The following STAG1 variants were observed in gnomAD, a reference collection of about 807,000 sequenced individuals.
The protein encoded by STAG1 is cohesin subunit SA-1.
Under a neutral mutation model 170.9 loss-of-function variants are expected in STAG1, and 26 were observed. The ratio of observed to expected loss-of-function variants is 0.15; its 90% confidence interval spans 0.11 to 0.21. The LOEUF (loss-of-function observed/expected upper bound fraction) is 0.21, where lower values mean the gene tolerates loss of function less well. STAG1 is among the 10% of genes least tolerant of loss of function. The probability of loss-of-function intolerance (pLI) is 1.00; values close to 1 mark genes in which losing one functional copy is unlikely to be tolerated. For missense variants in STAG1, 964 were observed against 1,509.5 expected, an observed-to-expected ratio of 0.64 and a Z score of 5.99; for synonymous variants, 514 against 497.7, an observed-to-expected ratio of 1.03 and a Z score of -0.44.
At chr3:136,572,462 G>A (rs570202280) in intron 4 of STAG1, among the ~76,000 whole-genome samples, 2 of 151,778 alleles carry the variant, frequency 1.3e-5, no homozygotes, top group Middle Eastern at 3.4e-3. Flanking sequence ...GTGTGGTGGT[G>A]CACACCTGTG....
At chr3:136,678,101 T>A (rs966700522) in intron 1 of STAG1, among the ~76,000 whole-genome samples, 1 of 150,758 alleles carries the variant, frequency 6.6e-6, no homozygotes, top group Non-Finnish European at 1.5e-5. Flanking sequence ...AAAGCAGTGA[T>A]AGAAGTATCA....
Position 136,434,280 on chromosome 3 carries a change from ATTAT to A in STAG1, c.1547-625_1547-622del, listed in dbSNP as rs1576462036. On this transcript the variant is annotated intron_variant, in intron 15 of 33. Coordinates refer to ENST00000383202, the MANE Select transcript of STAG1 (RefSeq NM_005862.3). The stretch of plus-strand genomic sequence containing the variant: ...GACCTTGATATTGAGAAATCATAAG[ATTAT>A]TTATTATAATTTATATCCCCAACTG... 2.0e-5 allele frequency among the ~76,000 whole-genome samples: 3 copies of A among 152,116 alleles called. No homozygotes were observed. The South Asian group carries it at 6.2e-4, about 32-fold the overall frequency.
intron 1 of STAG1, among the ~76,000 whole-genome samples, chr3:136,725,332 C>A (rs1308496577): frequency 6.6e-6 from 1 of 151,964 alleles, no homozygotes; most frequent in Non-Finnish European, 1.5e-5. Context: ...GAATTATTTC[C>A]TATTTCTAAA....
At chr3:136,559,124 C>CCTATCTAT (rs3042748) in intron 5 of STAG1, among the ~76,000 whole-genome samples, 21,458 of 143,964 alleles carry the variant, frequency 0.15, 1,630 homozygotes, top group East Asian at 0.27. Context: ...CACTGAACTA[C>CCTATCTAT]CTATCTATCT....
rs748207104 is a variant in STAG1, at chr3:136,349,237, G to A, written c.3192C>T (p.Asn1064=). 3.1e-6 allele frequency: 5 copies of A among 1,613,890 alleles called. No homozygotes were observed. In the Admixed American group the frequency reaches 8.3e-5, roughly 27 times the overall value. The change falls in exon 29 of 34, where the codon AAC becomes AAT. Residue 1064 remains asparagine (N), a synonymous_variant. Transcript: ENST00000383202. ...AGGTTTTGCTGCTGCTACTTCCACT[G>A]TTCACAGACATTCTATCATCTTCAC... ...TGGEDDRMSV[N]SGSSSSKTSS...
At chr3:136,433,811 T>A (rs1010649556) in intron 15 of STAG1, 152 bp from the exon 16 acceptor site, 8 of 583,866 alleles carry the variant, frequency 1.4e-5, no homozygotes, top group African/African-American at 3.9e-5. Flanking sequence ...TTTTTTTTTT[T>A]AAAGTAATTA....
In STAG1 at chr3:136,464,925, T is replaced by G. The variant is rs1559818753; in HGVS notation, c.1269A>C (p.Ala423=). 6.2e-7 allele frequency: 1 copy of G among 1,613,124 alleles called. No individual in the cohort carries two copies. Among genetic ancestry groups the G allele is most frequent in the African/African-American group, 1.3e-5 (1 of 75,056 alleles). The part of the protein sequence containing the change: ...CENVYHLVYS[A]HRPVAVAAGE... ...CAGCTGCCACAGCAACAGGGCGATG[T>G]GCCGAGTACACCAAGTGGTAAACAT... is the stretch of plus-strand genomic sequence containing the variant. The change falls in exon 13 of 34, where the codon GCA becomes GCC. Residue 423 remains alanine, a synonymous_variant. Coordinates refer to ENST00000383202, the MANE Select transcript of STAG1 (RefSeq NM_005862.3).
rs1005121188 is a variant in STAG1 at position 136,485,579 on chromosome 3, G to T, written c.903-8167C>A. On this transcript the variant is annotated intron_variant, in intron 9 of 33. Coordinates refer to ENST00000383202, the MANE Select transcript of STAG1 (RefSeq NM_005862.3). Reference sequence around the variant, plus strand: ...CAAAAAATTTCAGACATAAAACAAGGTATAGGGGACAATATAATGAATAAC... The same window carrying T: ...CAAAAAATTTCAGACATAAAACAAGTTATAGGGGACAATATAATGAATAAC... Among the ~76,000 whole-genome samples the T allele has an allele frequency of 2.8e-4, 43 of 152,202 alleles. 1 individual carries two copies. Among genetic ancestry groups the T allele is most frequent in the African/African-American group, 1.0e-3 (42 of 41,530 alleles).
At chr3:136,488,192 G>A (rs111942290) in intron 9 of STAG1, among the ~76,000 whole-genome samples, 9,357 of 152,210 alleles carry the variant, frequency 0.061, 429 homozygotes, top group Non-Finnish European at 0.095. Context: ...GCATGATCTC[G>A]GCTCACTGCA....
intron 1 of STAG1, among the ~76,000 whole-genome samples, chr3:136,680,134 G>A (rs1435765719): frequency 6.6e-6 from 1 of 151,992 alleles, no homozygotes; most frequent in Non-Finnish European, 1.5e-5. Context: ...AGCCGTGCAC[G>A]CCTGTAATCC....
At chr3:136,683,804 G>T (rs747295974) in intron 1 of STAG1, among the ~76,000 whole-genome samples, 13 of 152,088 alleles carry the variant, frequency 8.5e-5, no homozygotes, top group Admixed American at 2.0e-4. Context: ...ATCCACACAA[G>T]AGCTGACCAA....
At chr3:136,558,518 A>T (rs1936713593) in intron 5 of STAG1, among the ~76,000 whole-genome samples, 1 of 152,260 alleles carries the variant, frequency 6.6e-6, no homozygotes, top group African/African-American at 2.4e-5. Flanking sequence ...CTGTTATGTG[A>T]AAAAGTAGTC....
At chr3:136,465,791 A>G (rs1311347267) in intron 12 of STAG1, among the ~76,000 whole-genome samples, 2 of 152,092 alleles carry the variant, frequency 1.3e-5, no homozygotes, top group East Asian at 1.9e-4. Flanking sequence ...TACTATTCTA[A>G]CAAAAACAGC....
intron 21 of STAG1, among the ~76,000 whole-genome samples, chr3:136,409,862 T>C (rs2087577362): frequency 6.6e-6 from 1 of 152,058 alleles, no homozygotes; most frequent in Non-Finnish European, 1.5e-5. Context: ...AGGATCCCAT[T>C]TGAGCCCAGG....
intron 8 of STAG1, 120 bp from the exon 9 acceptor site, chr3:136,500,416 T>C: frequency 1.6e-6 from 1 of 644,678 alleles, no homozygotes. Flanking sequence ...CTTTTCTCAC[T>C]TGTAGTACAG....
intron 9 of STAG1, 99 bp from the exon 10 acceptor site, chr3:136,477,511 G>A (rs1458541577): frequency 2.7e-6 from 3 of 1,123,214 alleles, no homozygotes; most frequent in Non-Finnish European, 1.2e-6. Flanking sequence ...AATGCTGTTT[G>A]TATATATTTG....
chr3:136,719,219 A>G (rs1174134664), intron 1 of STAG1, among the ~76,000 whole-genome samples: 1 of 152,234 alleles, frequency 6.6e-6, no homozygotes, highest in Non-Finnish European at 1.5e-5. Context: ...ATGCCTTAAC[A>G]TGGATTATCC....
At chr3:136,542,375 G>A (rs988855278) in intron 5 of STAG1, among the ~76,000 whole-genome samples, 180 bp from the exon 6 acceptor site, 1 of 152,092 alleles carries the variant, frequency 6.6e-6, no homozygotes, top group East Asian at 1.9e-4. Flanking sequence ...GTACTCCTAA[G>A]AAGGAAAAGG....
At chr3:136,604,498 C>G in intron 3 of STAG1, 25 bp from the exon 4 acceptor site, 7 of 1,576,394 alleles carry the variant, frequency 4.4e-6, no homozygotes, top group Non-Finnish European at 6.0e-6. Context: ...AAAAAAGATT[C>G]CATTCGATTA....
Sources: gnomAD v4.1 joint callset for allele counts (sites outside exome capture counted in the v4.1 genomes callset) on GRCh38, gnomAD v4.1.1 for gene constraint, MANE v1.5 for transcripts, NCBI Gene and HGNC (gene_info 2026-07-23, HGNC 2026-07-21) for gene names.